PDLIM5: variants seen among roughly 807,000 people sequenced by gnomAD.
PDLIM5 encodes PDZ and LIM domain 5.
Under a neutral mutation model 64.2 loss-of-function variants are expected in PDLIM5, and 34 were observed. That is an observed-to-expected ratio of 0.53 (90% CI 0.40 to 0.71). The LOEUF (loss-of-function observed/expected upper bound fraction) is 0.71. PDLIM5 is among the 30% of genes least tolerant of loss of function. The pLI is 0.00. For synonymous variants in PDLIM5, 253 were observed against 269.1 expected (o/e 0.94, Z 0.59); for missense variants, 683 against 733.6 (o/e 0.93, Z 0.80).
intron 5 of PDLIM5, among the ~76,000 whole-genome samples, chr4:94,576,353 T>C (rs1209658534): frequency 6.6e-6 from 1 of 152,228 alleles, no homozygotes; most frequent in African/African-American, 2.4e-5. Context: ...TCTTTCTTCC[T>C]CAATTTTTTC....
At chr4:94,465,940 G>A (rs1724322005) in intron 2 of PDLIM5, among the ~76,000 whole-genome samples, 1 of 150,910 alleles carries the variant, frequency 6.6e-6, no homozygotes, top group African/African-American at 2.5e-5. Flanking sequence ...GTGTGTATGT[G>A]TGTGTGTGTC....
rs958028287 is a variant in PDLIM5, at chr4:94,657,650, C to A, written c.1585+103C>A. The A allele has an allele frequency of 8.4e-6, 7 of 836,970 alleles. No individual in the cohort carries two copies. In the African/African-American group the frequency reaches 1.2e-4, roughly 14 times the overall value. The allele number at this position is 836,970 out of a possible 1,614,324, so 51.8% of individuals were successfully genotyped here. A position where few individuals can be genotyped will look rare whatever the true frequency, so the allele number is the denominator to read the frequency against. On this transcript the variant is annotated intron_variant, in intron 11 of 12. Transcript: ENST00000317968. ...AGAAAATATTAGGCAAAGTTATTTT[C>A]TTAATTGTTTTGGAAGCATTTAATG...
rs1158004707 is a variant in PDLIM5, at chr4:94,587,801, A to G, written c.920+1357A>G. The G allele has an allele frequency of 5.5e-6, 5 of 902,434 alleles. No individual in the cohort carries two copies. In the African/African-American group the frequency reaches 9.0e-5, roughly 16 times the overall value. 55.9% of individuals were successfully genotyped at this position (902,434 alleles called of 1,614,324 possible). A position where few individuals can be genotyped will look rare whatever the true frequency, so the allele number is the denominator to read the frequency against. On this transcript the variant is annotated intron_variant, in intron 7 of 12. Transcript: ENST00000317968. ...CTATCAAAGGAAATATCTCTAGTGGATATTTTTAGAATATAGACAATTTCT... is the reference window on the plus strand; with the variant it reads ...CTATCAAAGGAAATATCTCTAGTGGGTATTTTTAGAATATAGACAATTTCT...
intron 3 of PDLIM5, among the ~76,000 whole-genome samples, chr4:94,526,601 T>C (rs1046753563): frequency 2.0e-5 from 3 of 152,210 alleles, no homozygotes; most frequent in African/African-American, 7.2e-5. Context: ...GAAATACTTT[T>C]GCCTTTTAAG....
intron 3 of PDLIM5, among the ~76,000 whole-genome samples, chr4:94,565,223 A>G (rs1374229438): frequency 6.6e-6 from 1 of 152,234 alleles, no homozygotes; most frequent in Non-Finnish European, 1.5e-5. Flanking sequence ...GACAGGAGCT[A>G]GATTTTGACT....
rs527548369 is a variant in PDLIM5, at chr4:94,510,651, A to T, written c.97-13073A>T. 2.6e-5 allele frequency among the ~76,000 whole-genome samples: 4 copies of T among 152,314 alleles called. No individual in the cohort carries two copies. In the East Asian group the frequency reaches 7.7e-4, roughly 29 times the overall value. ...ATCTCGTCTTTTTCATCTTAGACCC[A>T]GAGCTGATTTTAACCACTTAATGCT... On this transcript the variant is annotated intron_variant, in intron 2 of 12. Coordinates refer to ENST00000317968, the MANE Select transcript of PDLIM5 (RefSeq NM_006457.5).
intron 7 of PDLIM5, chr4:94,610,148 CCCTA>C (rs1738247000): frequency 2.0e-6 from 3 of 1,493,426 alleles, no homozygotes; most frequent in Non-Finnish European, 2.7e-6. Flanking sequence ...GTTTTTCTTT[CCCTA>C]CCTGTCAGTT....
chr4:94,614,710 T>C (rs1405746225), intron 7 of PDLIM5, among the ~76,000 whole-genome samples: 1 of 152,226 alleles, frequency 6.6e-6, no homozygotes, highest in African/African-American at 2.4e-5. Context: ...TAAAGAGTAC[T>C]GTTTAAGATT....
chr4:94,551,818 A>G (rs1732834855), intron 3 of PDLIM5, among the ~76,000 whole-genome samples: 1 of 152,166 alleles, frequency 6.6e-6, no homozygotes, highest in African/African-American at 2.4e-5. Flanking sequence ...GTCATCTCAG[A>G]AAGAATAGTT....
At chr4:94,452,027 C>T (rs1215968319) in intron 1 of PDLIM5, 32 bp downstream of exon 1, 1 of 152,292 alleles carries the variant, frequency 6.6e-6, no homozygotes, top group African/African-American at 2.4e-5. Context: ...ATGCGCCTCT[C>T]GGATCTCCGG....
chr4:94,472,163 C>T (rs555759867), intron 2 of PDLIM5, among the ~76,000 whole-genome samples: 10 of 152,014 alleles, frequency 6.6e-5, no homozygotes, highest in South Asian at 4.2e-4. Flanking sequence ...CACACACACG[C>T]GCACACACAC....
intron 7 of PDLIM5, among the ~76,000 whole-genome samples, chr4:94,599,698 G>A (rs1737342234): frequency 6.6e-6 from 1 of 152,034 alleles, no homozygotes; most frequent in Non-Finnish European, 1.5e-5. Flanking sequence ...GTTGGAATGG[G>A]GTGAAGAGGA....
intron 2 of PDLIM5, among the ~76,000 whole-genome samples, chr4:94,470,598 G>A (rs141552485): frequency 1.3e-4 from 20 of 152,186 alleles, no homozygotes; most frequent in Admixed American, 5.2e-4. Context: ...TCTAGTGGAG[G>A]GTGTGTATAA....
At chr4:94,506,063 A>C (rs1728366544) in intron 2 of PDLIM5, among the ~76,000 whole-genome samples, 1 of 152,208 alleles carries the variant, frequency 6.6e-6, no homozygotes, top group South Asian at 2.1e-4. Context: ...TCTCATTAGC[A>C]TACAAAAGAC....
rs760678365 is a variant in PDLIM5, at chr4:94,599,464, CTGAG to C, written c.920+13025_920+13028del. Reference sequence around the variant, plus strand: ...GCTAATAGAATCGAGGGATAGCAGACTGAGTGAGGAAAAAAAAGGGTCCTTAAAA... The same window carrying C: ...GCTAATAGAATCGAGGGATAGCAGACTGAGGAAAAAAAAGGGTCCTTAAAA... On this transcript the variant is annotated intron_variant, in intron 7 of 12. Coordinates refer to ENST00000317968, the MANE Select transcript of PDLIM5 (RefSeq NM_006457.5). 6.6e-5 allele frequency among the ~76,000 whole-genome samples: 10 copies of C among 151,996 alleles called. No individual in the cohort carries two copies. In the East Asian group the frequency reaches 1.4e-3, roughly 21 times the overall value.
intron 7 of PDLIM5, among the ~76,000 whole-genome samples, chr4:94,588,828 T>A (rs1297014236): frequency 6.6e-6 from 1 of 152,206 alleles, no homozygotes; most frequent in East Asian, 1.9e-4. Context: ...GCTTGATAAT[T>A]TGGAGAAACT....
At chr4:94,627,457 CA>C (rs1188623231) in intron 8 of PDLIM5, among the ~76,000 whole-genome samples, 8 of 152,284 alleles carry the variant, frequency 5.3e-5, no homozygotes, top group Non-Finnish European at 7.4e-5. Flanking sequence ...TTTTATAAGG[CA>C]GACATCTACA....
intron 2 of PDLIM5, among the ~76,000 whole-genome samples, chr4:94,492,740 C>T (rs940533742): frequency 1.3e-5 from 2 of 152,004 alleles, no homozygotes; most frequent in African/African-American, 2.4e-5. Context: ...AATAATATTC[C>T]ATTGTGTTAT....
chr4:94,586,466 C>T (rs530346019), intron 7 of PDLIM5, 22 bp downstream of exon 7: 1 of 1,435,382 alleles, frequency 7.0e-7, no homozygotes, highest in Non-Finnish European at 9.8e-7. Flanking sequence ...ATCTTTTTGA[C>T]AATTGAATGT....
Sources: gnomAD v4.1 joint callset for allele counts (sites outside exome capture counted in the v4.1 genomes callset) on GRCh38, gnomAD v4.1.1 for gene constraint, MANE v1.5 for transcripts, NCBI Gene and HGNC (gene_info 2026-07-23, HGNC 2026-07-21) for gene names.